The following FREM1 variants were observed in gnomAD, a reference collection of about 807,000 sequenced individuals.
FREM1 encodes the protein FRAS1-related extracellular matrix protein 1.
Under a neutral mutation model 210.1 loss-of-function variants are expected in FREM1, and 220 were observed. The observed-to-expected ratio is 1.05, with a 90% CI of 0.94 to 1.17. FREM1 has a LOEUF of 1.17. FREM1 is among the 50% of genes most tolerant of loss of function. The pLI is 0.00. For synonymous variants in FREM1, 1,189 were observed against 980.2 expected (o/e 1.21, Z -3.98); for missense variants, 3,454 against 2,675.5 (o/e 1.29, Z -6.42).
intron 15 of FREM1, among the ~76,000 whole-genome samples, chr9:14,815,022 C>G (rs555501155): frequency 6.6e-6 from 1 of 152,188 alleles, no homozygotes; most frequent in East Asian, 1.9e-4. Context: ...ACAAAGAAAA[C>G]TGTCCTTTTT....
chr9:14,745,717 A>G (rs1167935638), intron 35 of FREM1, among the ~76,000 whole-genome samples: 1 of 152,232 alleles, frequency 6.6e-6, no homozygotes, highest in Non-Finnish European at 1.5e-5. Flanking sequence ...TTTAGATAAT[A>G]TCCAGATTGG....
chr9:14,802,063 T>G (rs1428563402), intron 19 of FREM1, among the ~76,000 whole-genome samples, 189 bp from the exon 20 acceptor site: 1 of 152,238 alleles, frequency 6.6e-6, no homozygotes, highest in Non-Finnish European at 1.5e-5. Context: ...TCTATTAATC[T>G]CCCTTACATT....
intron 1 of FREM1, among the ~76,000 whole-genome samples, chr9:14,884,948 G>A (rs1401993001): frequency 2.1e-5 from 2 of 94,564 alleles, no homozygotes; most frequent in South Asian, 4.0e-4. Flanking sequence ...TTTTTGAGAC[G>A]GAGTCTCGCT....
chr9:14,746,720 T>C (rs1842504787), intron 34 of FREM1, among the ~76,000 whole-genome samples: 2 of 152,228 alleles, frequency 1.3e-5, no homozygotes, highest in African/African-American at 4.8e-5. Context: ...AAACATCTTC[T>C]TAAATGGTAT....
At chr9:14,818,479 T>C (rs369797962) in intron 14 of FREM1, among the ~76,000 whole-genome samples, 2 of 152,232 alleles carry the variant, frequency 1.3e-5, no homozygotes, top group African/African-American at 4.8e-5. Flanking sequence ...TCATACTTTA[T>C]CTAAAGGGCT....
rs983762363 is a variant in FREM1 at position 14,820,294 on chromosome 9, G to C, written c.2338-852C>G. Among the ~76,000 whole-genome samples, 8 of 152,288 alleles carry C rather than the reference G, an allele frequency of 5.3e-5. No individual in the cohort carries two copies. In the East Asian group the frequency reaches 1.5e-3, roughly 29 times the overall value. On this transcript the variant is annotated intron_variant, in intron 13 of 36. Transcript: ENST00000380880. ...TTAACCTATCATTACCCCCACGCTT[G>C]TATTGCTACGCAGAAGTGAAAGCAA...
chr9:14,864,075 A>G (rs1301133146), intron 2 of FREM1, among the ~76,000 whole-genome samples, 172 bp from the exon 3 acceptor site: 1 of 152,130 alleles, frequency 6.6e-6, no homozygotes, highest in East Asian at 1.9e-4. Flanking sequence ...ATACCCAGTC[A>G]CCATCCTACT....
At chr9:14,879,989 T>C (rs1373493941) in intron 1 of FREM1, among the ~76,000 whole-genome samples, 2 of 152,120 alleles carry the variant, frequency 1.3e-5, no homozygotes, top group Non-Finnish European at 2.9e-5. Flanking sequence ...ATTTCCAATG[T>C]GATGGGATTA....
intron 7 of FREM1, among the ~76,000 whole-genome samples, chr9:14,848,205 G>A (rs980235897): frequency 6.6e-6 from 1 of 152,160 alleles, no homozygotes. Context: ...ACTCAGAATT[G>A]AGAGGCATAG....
chr9:14,807,258 G>C (rs982347055), intron 17 of FREM1, among the ~76,000 whole-genome samples: 2 of 152,188 alleles, frequency 1.3e-5, no homozygotes, highest in Admixed American at 6.5e-5. Context: ...TTCAAGATCA[G>C]TTGGTACCTC....
chr9:14,824,208 G>T, intron 11 of FREM1, 93 bp from the exon 12 acceptor site: 1 of 754,942 alleles, frequency 1.3e-6, no homozygotes, highest in South Asian at 1.7e-5. Flanking sequence ...AGACTTCATT[G>T]TGAGAAGAAA....
At position 14,824,039 on chromosome 9, in the gene FREM1, T is replaced by G. The variant is rs568944061; in HGVS notation, c.2155A>C (p.Arg719=). 1.9e-6 allele frequency: 3 copies of G among 1,592,180 alleles called. No homozygotes were observed. Among genetic ancestry groups the G allele is most frequent in the African/African-American group, 2.7e-5 (2 of 74,756 alleles). ...VVKNPTALEL[R]SFTQHAVNYM... ...TATCCTCATACCTGAGTGAATGACC[T>G]CAGCTCCAGGGCCGTAGGATTCTTA... is the stretch of plus-strand genomic sequence containing the variant. The change falls in exon 12 of 37, where the codon AGG becomes CGG. Residue 719 remains arginine (R), a synonymous_variant. Coordinates refer to ENST00000380880, the MANE Select transcript of FREM1 (RefSeq NM_001379081.2).
rs1187856541 is a variant in FREM1 at position 14,816,862 on chromosome 9, A to C, written c.2556T>G (p.His852Gln). The C allele has an allele frequency of 1.5e-6, 2 of 1,359,652 alleles. No homozygotes were observed. Among genetic ancestry groups the C allele is most frequent in the African/African-American group, 2.8e-5 (2 of 70,886 alleles). 84.2% of individuals were successfully genotyped at this position (1,359,652 alleles called of 1,614,324 possible). ...DLHTLKVRYQ[H>Q]DGTEVLQDDL... ...CATCCTGAAGAACTTCAGTTCCATC[A>C]TGTTGATACCTGTGGGGATAATATT... is the stretch of plus-strand genomic sequence containing the variant. The change falls in exon 15 of 37, where the codon CAT becomes CAG. Residue 852 changes from histidine to glutamine, a missense_variant. Coordinates refer to ENST00000380880, the MANE Select transcript of FREM1 (RefSeq NM_001379081.2).
chr9:14,740,203 T>G lies in FREM1; in HGVS notation c.6286A>C (p.Arg2096=). 1.2e-6 allele frequency: 2 copies of G among 1,613,234 alleles called. No individual in the cohort carries two copies. ...TCCCAGAGCCACCGCATGTGCTGCC[T>G]GGAGAATACAGTTACAAGGTTGCCC... The part of the protein sequence containing the change: ...YLGNLVTVFS[R]QHMRWLWDIG... The change falls in exon 36 of 37, where the codon AGG becomes CGG. Residue 2096 remains arginine (R), a synonymous_variant. Transcript: ENST00000380880.
chr9:14,778,537 G>C (rs1362607687), intron 24 of FREM1, among the ~76,000 whole-genome samples: 1 of 148,030 alleles, frequency 6.8e-6, no homozygotes, highest in Non-Finnish European at 1.5e-5. Context: ...GATCCTGGGA[G>C]GTTGAGGCTA....
In FREM1 at chr9:14,823,254, T is replaced by C. The variant is rs1319365487; in HGVS notation, c.2243A>G (p.Gln748Arg). Residue 748 changes from glutamine to arginine, a missense_variant, in exon 13 of 37, where the codon CAG becomes CGG. Gln to Arg is a conservative substitution (Grantham distance 43). Transcript: ENST00000380880. ...TTGGTTACTGACAGAAAATGTGAAC[T>C]GGACATCTCTGCAATGGGGACCAAT... ...QDIGPHCRDV[Q>R]FTFSVSNQHG... The C allele has an allele frequency of 6.2e-7, 1 of 1,613,952 alleles. No individual in the cohort carries two copies. Among genetic ancestry groups the C allele is most frequent in the South Asian group, 1.1e-5 (1 of 91,088 alleles).
At chr9:14,898,669 G>C (rs1198071166) in intron 1 of FREM1, among the ~76,000 whole-genome samples, 1 of 152,170 alleles carries the variant, frequency 6.6e-6, no homozygotes, top group Non-Finnish European at 1.5e-5. Flanking sequence ...TTGAACCCAA[G>C]AGGCGGAGGT....
At chr9:14,884,984 G>C (rs1442008998) in intron 1 of FREM1, among the ~76,000 whole-genome samples, 2 of 127,018 alleles carry the variant, frequency 1.6e-5, no homozygotes, top group African/African-American at 6.8e-5. Context: ...GAGTGCAGTG[G>C]TGCGATCTCG....
At chr9:14,794,632 G>A (rs1159642228) in intron 21 of FREM1, among the ~76,000 whole-genome samples, 3 of 152,196 alleles carry the variant, frequency 2.0e-5, no homozygotes, top group Non-Finnish European at 2.9e-5. Flanking sequence ...CTCTCAAAGA[G>A]TCCAGGAAGG....
Sources: allele counts gnomAD v4.1 joint callset (sites outside exome capture counted in the v4.1 genomes callset), GRCh38; gene constraint gnomAD v4.1.1; transcripts MANE v1.5; gene names NCBI Gene and HGNC (gene_info 2026-07-23, HGNC 2026-07-21).